SLC39A11: variants seen among roughly 807,000 people sequenced by gnomAD.
The protein encoded by SLC39A11 is zinc transporter ZIP11.
In SLC39A11, 33 loss-of-function variants were observed where a neutral mutation model predicts 36.1. The ratio of observed to expected loss-of-function variants is 0.91; its 90% CI spans 0.69 to 1.22. The LOEUF (loss-of-function observed/expected upper bound fraction) is 1.22, where lower values mean the gene tolerates loss of function less well. Among genes scored for constraint, SLC39A11 ranks in the 50% most tolerant of loss-of-function variants. The pLI, the probability that SLC39A11 is intolerant of heterozygous loss-of-function variation, is 0.00. For synonymous variants in SLC39A11, 166 were observed against 170.3 expected (o/e 0.97, Z 0.20); for missense variants, 432 against 430.3 (o/e 1.00, Z -0.03).
intron 5 of SLC39A11, among the ~76,000 whole-genome samples, chr17:72,919,813 T>C (rs1420649948): frequency 6.6e-6 from 1 of 152,168 alleles, no homozygotes; most frequent in Non-Finnish European, 1.5e-5. Context: ...GCATCTCTGA[T>C]GCTCTGGTTA....
intron 4 of SLC39A11, among the ~76,000 whole-genome samples, chr17:73,008,805 G>C (rs949505196): frequency 6.6e-6 from 1 of 152,146 alleles, no homozygotes; most frequent in Non-Finnish European, 1.5e-5. Context: ...TGTAATCCCA[G>C]CACTTTGGGA....
chr17:72,870,920 C>A (rs1056660744), intron 5 of SLC39A11, among the ~76,000 whole-genome samples: 4 of 152,146 alleles, frequency 2.6e-5, no homozygotes, highest in African/African-American at 9.7e-5. Context: ...CATCTTGATT[C>A]CTGACACAGA....
chr17:72,780,350 T>C lies in SLC39A11; in HGVS notation c.602-43631A>G, dbSNP rs2076267545. 2.0e-5 allele frequency among the ~76,000 whole-genome samples: 3 copies of C among 152,100 alleles called. 1 individual carries two copies. In the South Asian group the frequency reaches 6.2e-4, roughly 32 times the overall value. The stretch of plus-strand genomic sequence containing the variant: ...GCTGATTTTCATGTCTCTGGGCTGA[T>C]CATAACTACATGGAGGGGAAATACA... On this transcript the variant is annotated intron_variant, in intron 6 of 9. Transcript: ENST00000255559.
chr17:72,671,048 G>A (rs756767149), intron 7 of SLC39A11, among the ~76,000 whole-genome samples: 2 of 152,220 alleles, frequency 1.3e-5, no homozygotes, highest in Non-Finnish European at 2.9e-5. Flanking sequence ...AGCACAAAAA[G>A]AGAGAGCTCC....
chr17:72,803,158 G>A (rs115859888), intron 6 of SLC39A11, among the ~76,000 whole-genome samples: 1,873 of 152,338 alleles, frequency 0.012, 46 homozygotes, highest in African/African-American at 0.039. Flanking sequence ...ATGGATGCGC[G>A]CCTCTGAGGC....
intron 6 of SLC39A11, among the ~76,000 whole-genome samples, chr17:72,789,920 C>T (rs2076644221): frequency 6.6e-6 from 1 of 152,142 alleles, no homozygotes; most frequent in Non-Finnish European, 1.5e-5. Flanking sequence ...GATGCTTGGG[C>T]AGGGAATTTA....
chr17:72,975,316 A>G (rs1366909681), intron 4 of SLC39A11, among the ~76,000 whole-genome samples: 1 of 152,166 alleles, frequency 6.6e-6, no homozygotes, highest in African/African-American at 2.4e-5. Flanking sequence ...GTGCATGCCT[A>G]TAATCCCAGC....
intron 1 of SLC39A11, among the ~76,000 whole-genome samples, chr17:73,091,513 G>A (rs1357213945): frequency 6.6e-6 from 1 of 152,168 alleles, no homozygotes; most frequent in Non-Finnish European, 1.5e-5. Flanking sequence ...CTTAGAAAAT[G>A]AGTTCTCCTG....
intron 9 of SLC39A11, 123 bp from the exon 10 acceptor site, chr17:72,647,785 C>A: frequency 1.4e-6 from 1 of 724,910 alleles, no homozygotes; most frequent in East Asian, 2.8e-5. Context: ...ATAATGGTAA[C>A]ATTTACTGGG....
At chr17:72,903,974 C>T (rs959444361) in intron 5 of SLC39A11, among the ~76,000 whole-genome samples, 19 of 152,164 alleles carry the variant, frequency 1.2e-4, no homozygotes, top group African/African-American at 3.9e-4. Flanking sequence ...GTGCTGAAGA[C>T]GGGAACAGAT....
At chr17:72,906,446 G>T (rs1158594559) in intron 5 of SLC39A11, among the ~76,000 whole-genome samples, 1 of 152,258 alleles carries the variant, frequency 6.6e-6, no homozygotes, top group Non-Finnish European at 1.5e-5. Context: ...AACGGGGCTT[G>T]GCTGGGTCTG....
rs1431363935 is a variant in SLC39A11, at chr17:73,046,088, T to C, written c.148-14374A>G. ...AGACTCGGCAGTCTGGCTCCACTGA[T>C]ACAAAACGCAAAGATCTATAAGAGA... On this transcript the variant is annotated intron_variant, in intron 3 of 9. Transcript: ENST00000255559. Among the ~76,000 whole-genome samples, 3 of 152,172 alleles carry C rather than the reference T, an allele frequency of 2.0e-5. No individual in the cohort carries two copies. The East Asian group carries it at 5.8e-4, about 29-fold the overall frequency.
chr17:72,818,362 A>G (rs1194305650), intron 6 of SLC39A11, among the ~76,000 whole-genome samples: 1 of 152,104 alleles, frequency 6.6e-6, no homozygotes, highest in African/African-American at 2.4e-5. Context: ...GGACACCTGG[A>G]GAGGTATCTG....
chr17:72,970,445 T>C (rs1350168042), intron 4 of SLC39A11, among the ~76,000 whole-genome samples: 1 of 152,194 alleles, frequency 6.6e-6, no homozygotes, highest in African/African-American at 2.4e-5. Flanking sequence ...GGTTTCCCTT[T>C]TATGTCTGAA....
chr17:72,653,207 C>T (rs1407186214), intron 7 of SLC39A11, among the ~76,000 whole-genome samples: 2 of 150,914 alleles, frequency 1.3e-5, no homozygotes, highest in Non-Finnish European at 2.9e-5. Context: ...GGGGTTCAAG[C>T]GATTCTCCTG....
chr17:72,953,592 G>T (rs1568013253), intron 4 of SLC39A11, among the ~76,000 whole-genome samples: 1 of 152,164 alleles, frequency 6.6e-6, no homozygotes, highest in Non-Finnish European at 1.5e-5. Flanking sequence ...TGAGAAACAG[G>T]CCAGAGCATC....
At chr17:72,827,005 C>T (rs760595046) in intron 6 of SLC39A11, among the ~76,000 whole-genome samples, 2 of 152,144 alleles carry the variant, frequency 1.3e-5, no homozygotes, top group Non-Finnish European at 2.9e-5. Flanking sequence ...TAAGTTTAGA[C>T]CCAAGAGAAA....
chr17:73,067,409 G>C (rs767071589), intron 3 of SLC39A11, among the ~76,000 whole-genome samples: 2 of 152,198 alleles, frequency 1.3e-5, no homozygotes, highest in Non-Finnish European at 2.9e-5. Flanking sequence ...AAAGACAAAG[G>C]CTGCCCTCTT....
intron 7 of SLC39A11, among the ~76,000 whole-genome samples, chr17:72,662,129 C>T (rs192317071): frequency 2.0e-5 from 3 of 152,186 alleles, no homozygotes; most frequent in East Asian, 1.9e-4. Context: ...TTAAACTGGG[C>T]GCAGTGGTTC....
Sources: gnomAD v4.1 joint callset for allele counts (sites outside exome capture counted in the v4.1 genomes callset) on GRCh38, gnomAD v4.1.1 for gene constraint, MANE v1.5 for transcripts, NCBI Gene and HGNC (gene_info 2026-07-23, HGNC 2026-07-21) for gene names.